The following ROBO1 variants were observed in gnomAD, a reference collection of about 807,000 sequenced individuals.
The protein encoded by ROBO1 is roundabout guidance receptor 1.
Under a neutral mutation model 195.9 loss-of-function variants are expected in ROBO1, and 149 were observed. That is an observed-to-expected ratio of 0.76 (90% CI 0.67 to 0.87). ROBO1 has a LOEUF of 0.87. Among genes scored for constraint, ROBO1 ranks in the 40% least tolerant of loss-of-function variants. The pLI, the probability that ROBO1 is intolerant of heterozygous loss-of-function variation, is 0.00. For synonymous variants in ROBO1, 816 were observed against 733.2 expected, an observed-to-expected ratio of 1.11 and a Z score of -1.82; for missense variants, 1,933 against 2,068.3, an observed-to-expected ratio of 0.93 and a Z score of 1.27.
rs140701541 is a variant in ROBO1 at position 79,713,032 on chromosome 3, A to G, written c.-51+54720T>C. On this transcript the variant is annotated intron_variant, in intron 1 of 30. Coordinates refer to ENST00000464233, the MANE Select transcript of ROBO1 (RefSeq NM_002941.4). ...ATGTTGGTGTGCTGCACCCATCAAC[A>G]TGTCATTTACATTAGGTATTTCTCC... Among the ~76,000 whole-genome samples, 326 of 151,974 alleles carry G rather than the reference A, an allele frequency of 2.1e-3. 4 individuals carry two copies. The highest frequency in any genetic ancestry group is 7.4e-3 in the African/African-American group (306 of 41,474).
intron 3 of ROBO1, among the ~76,000 whole-genome samples, chr3:78,987,015 T>TA (rs2077122457): frequency 6.6e-6 from 1 of 151,922 alleles, no homozygotes; most frequent in African/African-American, 2.4e-5. Context: ...AACTTTTCAC[T>TA]AGTGAGTAAA....
chr3:79,579,456 G>A (rs1393064974), intron 2 of ROBO1, among the ~76,000 whole-genome samples: 1 of 152,162 alleles, frequency 6.6e-6, no homozygotes, highest in Non-Finnish European at 1.5e-5. Context: ...TTTCAAAAGA[G>A]TTGCTTGTCA....
chr3:78,745,036 G>A (rs140032196), intron 5 of ROBO1, among the ~76,000 whole-genome samples: 11,337 of 152,120 alleles, frequency 0.075, 862 homozygotes, highest in African/African-American at 0.2. Context: ...TTGGCCGGGC[G>A]TGGTGGCTCA....
chr3:79,418,562 C>T lies in ROBO1; in HGVS notation c.88+171262G>A, dbSNP rs559362459. On this transcript the variant is annotated intron_variant, in intron 2 of 30. Transcript: ENST00000464233. ...TTATTTAATTGCATGAATAAATTAA[C>T]AAGCAAAAATAAAGCAAACTGTTTT... 2.0e-5 allele frequency among the ~76,000 whole-genome samples: 3 copies of T among 152,170 alleles called. No individual in the cohort carries two copies. In the East Asian group the frequency reaches 5.8e-4, roughly 29 times the overall value.
intron 25 of ROBO1, 30 bp from the exon 26 acceptor site, chr3:78,627,599 T>C (rs1236685748): frequency 6.4e-7 from 1 of 1,567,762 alleles, no homozygotes; most frequent in African/African-American, 1.4e-5. Flanking sequence ...TGTGTAGACT[T>C]ACTTCAGGTT....
rs185480564 is a variant in ROBO1, at chr3:78,655,931, C to T, written c.2614+1167G>A. 5.3e-4 allele frequency among the ~76,000 whole-genome samples: 80 copies of T among 152,280 alleles called. 1 individual carries two copies. In the East Asian group the frequency reaches 0.015, roughly 29 times the overall value. ...CATAAAGGTGCTATATGCTTCTTGGCATCATTCATAATTTACATGTAGCTT... is the reference window on the plus strand; with the variant it reads ...CATAAAGGTGCTATATGCTTCTTGGTATCATTCATAATTTACATGTAGCTT... On this transcript the variant is annotated intron_variant, in intron 18 of 30. Transcript: ENST00000464233.
intron 7 of ROBO1, chr3:78,714,794 C>T: frequency 3.2e-6 from 1 of 311,112 alleles, no homozygotes; most frequent in South Asian, 9.9e-5. Context: ...TGTGCTCACA[C>T]TAAAACAAAA....
intron 4 of ROBO1, among the ~76,000 whole-genome samples, chr3:78,785,126 G>C (rs1162632786): frequency 6.6e-6 from 1 of 152,192 alleles, no homozygotes; most frequent in Non-Finnish European, 1.5e-5. Flanking sequence ...AGAAAAAGGA[G>C]TGCTTTTGCA....
At chr3:78,804,973 C>G (rs2084491086) in intron 4 of ROBO1, among the ~76,000 whole-genome samples, 1 of 152,072 alleles carries the variant, frequency 6.6e-6, no homozygotes, top group African/African-American at 2.4e-5. Flanking sequence ...CCCTTGGTCA[C>G]AAGAGTTCCT....
intron 2 of ROBO1, among the ~76,000 whole-genome samples, chr3:79,259,079 CT>C (rs902502016): frequency 2.0e-5 from 3 of 146,530 alleles, no homozygotes; most frequent in East Asian, 1.9e-4. Flanking sequence ...AAATTTCCTA[CT>C]TTTTTTTCCA....
intron 2 of ROBO1, among the ~76,000 whole-genome samples, chr3:79,132,725 T>G (rs1212755453): frequency 6.0e-5 from 2 of 33,304 alleles, no homozygotes; most frequent in Non-Finnish European, 9.9e-5. Context: ...ATCCTGTCAT[T>G]ATGATGTTAG....
chr3:79,537,916 C>CA (rs1048123438), intron 2 of ROBO1, among the ~76,000 whole-genome samples: 7 of 151,644 alleles, frequency 4.6e-5, no homozygotes, highest in Admixed American at 2.0e-4. Context: ...TAAAAAAACA[C>CA]AAAAAAATAC....
At chr3:78,999,248 A>G (rs983788802) in intron 3 of ROBO1, among the ~76,000 whole-genome samples, 1 of 152,250 alleles carries the variant, frequency 6.6e-6, no homozygotes, top group African/African-American at 2.4e-5. Context: ...CAAAAAGATA[A>G]ATACACTTGC....
At chr3:78,802,926 A>G (rs779386879) in intron 4 of ROBO1, among the ~76,000 whole-genome samples, 1 of 152,162 alleles carries the variant, frequency 6.6e-6, no homozygotes, top group Non-Finnish European at 1.5e-5. Flanking sequence ...TGATGACTTG[A>G]CCAAAGAGAC....
chr3:79,653,545 A>G (rs113117275), intron 1 of ROBO1, among the ~76,000 whole-genome samples: 326 of 152,174 alleles, frequency 2.1e-3, no homozygotes, highest in South Asian at 0.013. Context: ...TATGAAAGAA[A>G]TATTTTTCAG....
chr3:78,606,070 A>G (rs1280857571), intron 29 of ROBO1, among the ~76,000 whole-genome samples: 2 of 152,192 alleles, frequency 1.3e-5, no homozygotes, highest in Non-Finnish European at 2.9e-5. Flanking sequence ...TTATTTTTCT[A>G]AAACACATAT....
intron 3 of ROBO1, among the ~76,000 whole-genome samples, chr3:79,049,424 G>A (rs901699808): frequency 4.6e-5 from 7 of 152,160 alleles, no homozygotes; most frequent in African/African-American, 1.7e-4. Flanking sequence ...ACATTTGATT[G>A]GTGTGCCTGA....
At chr3:78,836,438 G>T (rs1458576440) in intron 4 of ROBO1, among the ~76,000 whole-genome samples, 1 of 149,400 alleles carries the variant, frequency 6.7e-6, no homozygotes, top group Non-Finnish European at 1.5e-5. Flanking sequence ...CGTTAACCTG[G>T]GAGGTGGAGC....
chr3:78,653,781 G>A lies in ROBO1; in HGVS notation c.2615-1852C>T, dbSNP rs117794217. Among the ~76,000 whole-genome samples, 53 of 152,314 alleles carry A rather than the reference G, an allele frequency of 3.5e-4. 1 individual carries two copies. The East Asian group carries it at 8.9e-3, about 26-fold the overall frequency. On this transcript the variant is annotated intron_variant, in intron 18 of 30. Coordinates refer to ENST00000464233, the MANE Select transcript of ROBO1 (RefSeq NM_002941.4). ...CAGGTCAGATAAGAGCCACAGGGGC[G>A]TCTGCCAGTATAAACTAGTTTCCTG...
Sources: gnomAD v4.1 joint callset for allele counts (sites outside exome capture counted in the v4.1 genomes callset) on GRCh38, gnomAD v4.1.1 for gene constraint, MANE v1.5 for transcripts, NCBI Gene and HGNC (gene_info 2026-07-23, HGNC 2026-07-21) for gene names.